Variants in HDGFL3 observed in about 807,000 individuals in gnomAD.
The protein encoded by HDGFL3 is HDGF like 3.
HDGFL3 carries 6 observed loss-of-function variants against 27.6 expected under a neutral mutation model. The ratio of observed to expected loss-of-function variants is 0.22; its 90% confidence interval spans 0.12 to 0.43. HDGFL3 has a LOEUF of 0.43. HDGFL3 is among the 20% of genes least tolerant of loss of function. The pLI is 1.00. For missense variants in HDGFL3, 207 were observed against 250.1 expected (o/e 0.83, Z 1.16); for synonymous variants, 88 against 88.9 (o/e 0.99, Z 0.05).
At chr15:83,190,329 A>G (rs1484654673) in intron 1 of HDGFL3, among the ~76,000 whole-genome samples, 2 of 152,082 alleles carry the variant, frequency 1.3e-5, no homozygotes, top group Admixed American at 1.3e-4. Context: ...TACAACTAGG[A>G]TTAGAGATGC....
Position 83,137,771 on chromosome 15 carries a change from C to T in HDGFL3, c.*1499G>A, listed in dbSNP as rs1403789910. The T allele has an allele frequency of 6.6e-6, 1 of 152,102 alleles. No homozygotes were observed. Among genetic ancestry groups the T allele is most frequent in the Non-Finnish European group, 1.5e-5 (1 of 68,006 alleles). The allele number at this position is 152,102 out of a possible 1,614,324, so 9.4% of individuals were successfully genotyped here. On this transcript the variant is annotated 3_prime_UTR_variant, in exon 6 of 6. Transcript: ENST00000299633. ...CCTTAGCTGCCATCATCACCATCAT[C>T]ATTATTAACGGCCCTAGGCTTTTAG...
chr15:83,175,752 C>T (rs2037301433), intron 1 of HDGFL3, among the ~76,000 whole-genome samples: 1 of 151,970 alleles, frequency 6.6e-6, no homozygotes. Flanking sequence ...CCCAGCTACT[C>T]GGGAGGCTGA....
At chr15:83,181,942 T>C (rs923916889) in intron 1 of HDGFL3, among the ~76,000 whole-genome samples, 13 of 152,270 alleles carry the variant, frequency 8.5e-5, no homozygotes, top group African/African-American at 2.7e-4. Flanking sequence ...ATTTTTACTT[T>C]TGTTGAGGTA....
chr15:83,121,052 G>T (rs796206963), intron 3 of HDGFL3, among the ~76,000 whole-genome samples: 5 of 151,942 alleles, frequency 3.3e-5, no homozygotes, highest in African/African-American at 1.2e-4. Flanking sequence ...TTGGGTTATT[G>T]GGGTTATCAA....
Position 83,134,110 on chromosome 15 carries a change from C to T in HDGFL3, c.*5160G>A, listed in dbSNP as rs1221809392. The T allele has an allele frequency of 6.6e-6, 1 of 152,168 alleles. No individual in the cohort carries two copies. The highest frequency in any genetic ancestry group is 6.5e-5 in the Admixed American group (1 of 15,276). 9.4% of individuals were successfully genotyped at this position (152,168 alleles called of 1,614,324 possible). A position where few individuals can be genotyped will look rare whatever the true frequency, so the allele number is the denominator to read the frequency against. ...GACCCTTTTTGTATTTTGACAGTCACAAGTCCATTGTTGTTGAACGTTTAT... is the reference window on the plus strand; with the variant it reads ...GACCCTTTTTGTATTTTGACAGTCATAAGTCCATTGTTGTTGAACGTTTAT... On this transcript the variant is annotated 3_prime_UTR_variant, in exon 6 of 6. Coordinates refer to ENST00000299633, the MANE Select transcript of HDGFL3 (RefSeq NM_016073.4).
intron 3 of HDGFL3, among the ~76,000 whole-genome samples, chr15:83,117,027 TGA>T (rs2151347843): frequency 6.6e-6 from 1 of 152,188 alleles, no homozygotes; most frequent in East Asian, 1.9e-4. Context: ...CCAGGCACAG[TGA>T]GAGACTCACT....
chr15:83,170,665 G>T (rs1427665879), intron 1 of HDGFL3, among the ~76,000 whole-genome samples: 1 of 152,088 alleles, frequency 6.6e-6, no homozygotes, highest in Admixed American at 6.6e-5. Flanking sequence ...CCTTGGGAAA[G>T]AATTTATGAC....
intron 1 of HDGFL3, among the ~76,000 whole-genome samples, chr15:83,171,859 G>A (rs1320073923): frequency 6.6e-6 from 1 of 151,994 alleles, no homozygotes; most frequent in African/African-American, 2.4e-5. Context: ...AAACCTGCAC[G>A]TTTTCCTGAA....
Position 83,157,409 on chromosome 15 carries a change from A to G in HDGFL3, c.459+6T>C. 6.2e-7 allele frequency: 1 copy of G among 1,611,290 alleles called. No individual in the cohort carries two copies. The highest frequency in any genetic ancestry group is 8.5e-7 in the Non-Finnish European group (1 of 1,177,816). ...CATTAATAACAATGAGAAGTTTCTTAGTAACCTTTGAAGTATATGACTTTT... is the reference window on the plus strand; with the variant it reads ...CATTAATAACAATGAGAAGTTTCTTGGTAACCTTTGAAGTATATGACTTTT... On this transcript the variant is annotated splice_donor_region_variant and intron_variant, in intron 4 of 5. Coordinates refer to ENST00000299633, the MANE Select transcript of HDGFL3 (RefSeq NM_016073.4).
chr15:83,124,801 G>A (rs748488599), downstream of HDGFL3: 30 of 1,539,872 alleles, frequency 1.9e-5, no homozygotes, highest in East Asian at 6.7e-5. Context: ...TCATAATAAC[G>A]TAACATTGTG....
rs2037743639 is a variant in HDGFL3 at position 83,207,734 on chromosome 15, C to T, written c.-320G>A. ...CGCGCTGCTCACCAGCGCCGCGTCG[C>T]CTGCCTCATGCCGCCGCTGCCGGTC... On this transcript the variant is annotated 5_prime_UTR_variant, in exon 1 of 6. Transcript: ENST00000299633. This position sits in a 1 kb window ranked among gnomAD's most constrained non-coding sequence, Gnocchi z 4.8. 6.7e-6 allele frequency: 1 copy of T among 149,804 alleles called. No homozygotes were observed. The highest frequency in any genetic ancestry group is 1.5e-5 in the Non-Finnish European group (1 of 67,406). The allele number at this position is 149,804 out of a possible 1,614,324, so 9.3% of individuals were successfully genotyped here.
chr15:83,207,625 G>T lies in HDGFL3; in HGVS notation c.-211C>A. The T allele has an allele frequency of 8.0e-6, 2 of 251,536 alleles. No individual in the cohort carries two copies. Among genetic ancestry groups the T allele is most frequent in the South Asian group, 1.5e-4 (1 of 6,516 alleles). The allele number at this position is 251,536 out of a possible 1,614,324, so 15.6% of individuals were successfully genotyped here. ...GCCCGGCAAATCACGGCCCGGCAGCGGGGGAGGGGAGCCCCCGGCCGTTCG... is the reference window on the plus strand; with the variant it reads ...GCCCGGCAAATCACGGCCCGGCAGCTGGGGAGGGGAGCCCCCGGCCGTTCG... On this transcript the variant is annotated 5_prime_UTR_variant, in exon 1 of 6. Coordinates refer to ENST00000299633, the MANE Select transcript of HDGFL3 (RefSeq NM_016073.4). The surrounding 1 kb of genome is among the most constrained non-coding windows in gnomAD (Gnocchi z 4.8).
chr15:83,131,521 A>G lies in HDGFL3; in HGVS notation c.*7749T>C, dbSNP rs1220149580. ...GTGGTGGGCATCTATAATCCCAGCTACTTGGGAGGCTGAGGCAGGAGAATC... is the reference window on the plus strand; with the variant it reads ...GTGGTGGGCATCTATAATCCCAGCTGCTTGGGAGGCTGAGGCAGGAGAATC... On this transcript the variant is annotated 3_prime_UTR_variant, in exon 6 of 6. Transcript: ENST00000299633. 6.6e-6 allele frequency: 1 copy of G among 152,652 alleles called. No homozygotes were observed. Among genetic ancestry groups the G allele is most frequent in the Non-Finnish European group, 1.5e-5 (1 of 68,418 alleles). 9.5% of individuals were successfully genotyped at this position (152,652 alleles called of 1,614,324 possible).
chr15:83,176,330 A>G (rs555054945), intron 1 of HDGFL3, among the ~76,000 whole-genome samples: 2 of 152,360 alleles, frequency 1.3e-5, no homozygotes, highest in African/African-American at 4.8e-5. Context: ...AGATGTCGGT[A>G]AGACTTAAGA....
chr15:83,122,030 T>A, intron 3 of HDGFL3: 1 of 1,553,882 alleles, frequency 6.4e-7, no homozygotes, highest in Admixed American at 1.7e-5. Context: ...TAAAGTTCAC[T>A]TTCCTTTTCT....
rs768935252 is a variant in HDGFL3, at chr15:83,135,748, T to G, written c.*3522A>C. 3.9e-5 allele frequency: 6 copies of G among 152,234 alleles called. 1 individual carries two copies. Among genetic ancestry groups the G allele is most frequent in the African/African-American group, 7.2e-5 (3 of 41,468 alleles). The allele number at this position is 152,234 out of a possible 1,614,324, so 9.4% of individuals were successfully genotyped here. On this transcript the variant is annotated 3_prime_UTR_variant, in exon 6 of 6. Transcript: ENST00000299633. ...GCGGATAATGCTGACATGTCGTACT[T>G]CTAAATAAATTATAATTTGATTTAA... is the stretch of plus-strand genomic sequence containing the variant.
rs1412450470 is a variant in HDGFL3 at position 83,132,596 on chromosome 15, G to A, written c.*6674C>T. Reference sequence around the variant, plus strand: ...TTAACTTGAGACAGGGTCTTGCTATGTTGCCCAGGCTGGTCTCAAACTCCT... The same window carrying A: ...TTAACTTGAGACAGGGTCTTGCTATATTGCCCAGGCTGGTCTCAAACTCCT... On this transcript the variant is annotated 3_prime_UTR_variant, in exon 6 of 6. Coordinates refer to ENST00000299633, the MANE Select transcript of HDGFL3 (RefSeq NM_016073.4). 6.6e-6 allele frequency: 1 copy of A among 152,000 alleles called. No individual in the cohort carries two copies. Among genetic ancestry groups the A allele is most frequent in the Non-Finnish European group, 1.5e-5 (1 of 68,036 alleles). The allele number at this position is 152,000 out of a possible 1,614,324, so 9.4% of individuals were successfully genotyped here. A position where few individuals can be genotyped will look rare whatever the true frequency, so the allele number is the denominator to read the frequency against.
At chr15:83,118,990 C>G (rs1443318527) in intron 3 of HDGFL3, among the ~76,000 whole-genome samples, 1 of 152,196 alleles carries the variant, frequency 6.6e-6, no homozygotes, top group Non-Finnish European at 1.5e-5. Flanking sequence ...CTCAGAGCAT[C>G]TGTTTCCTCA....
At chr15:83,151,880 A>G (rs932112989) in intron 4 of HDGFL3, among the ~76,000 whole-genome samples, 14 of 152,240 alleles carry the variant, frequency 9.2e-5, no homozygotes, top group African/African-American at 3.1e-4. Flanking sequence ...AAACTGTTTG[A>G]TATAAACTAA....
Sources: allele counts gnomAD v4.1 joint callset (sites outside exome capture counted in the v4.1 genomes callset), GRCh38; gene constraint gnomAD v4.1.1; non-coding constraint Gnocchi (gnomAD v3.1); transcripts MANE v1.5; gene names NCBI Gene and HGNC (gene_info 2026-07-23, HGNC 2026-07-21).